The following MAP4K4 variants were observed in gnomAD, a reference collection of about 807,000 sequenced individuals.
The protein encoded by MAP4K4 is mitogen-activated protein kinase kinase kinase kinase 4.
MAP4K4 carries 38 observed loss-of-function variants against 189.6 expected under a neutral mutation model. The observed-to-expected ratio is 0.20, with a 90% CI of 0.15 to 0.26. The LOEUF (loss-of-function observed/expected upper bound fraction) is 0.26, where lower values mean the gene tolerates loss of function less well. Ranked by LOEUF, MAP4K4 falls within the 10% of genes least tolerant of loss-of-function variation. MAP4K4 has a pLI of 1.00. For synonymous variants in MAP4K4, 610 were observed against 624.3 expected (o/e 0.98, Z 0.34); for missense variants, 1,054 against 1,726.9 (o/e 0.61, Z 6.91).
intron 3 of MAP4K4, among the ~76,000 whole-genome samples, chr2:101,821,203 G>T (rs746072902): frequency 6.6e-6 from 1 of 152,114 alleles, no homozygotes; most frequent in Non-Finnish European, 1.5e-5. Context: ...GAGAATTATT[G>T]TATCAACTGT....
chr2:101,780,419 G>A (rs1164961859), intron 2 of MAP4K4, among the ~76,000 whole-genome samples: 2 of 152,236 alleles, frequency 1.3e-5, no homozygotes, highest in African/African-American at 2.4e-5. Flanking sequence ...CAAGTGTACT[G>A]TGAAGTCACA....
intron 2 of MAP4K4, among the ~76,000 whole-genome samples, chr2:101,705,017 G>A (rs2041527277): frequency 6.6e-6 from 1 of 152,138 alleles, no homozygotes; most frequent in Non-Finnish European, 1.5e-5. Flanking sequence ...CTTGGGTTGA[G>A]TAATTAATAA....
chr2:101,742,389 C>G (rs2063232855), intron 2 of MAP4K4, among the ~76,000 whole-genome samples: 1 of 152,060 alleles, frequency 6.6e-6, no homozygotes, highest in Non-Finnish European at 1.5e-5. Context: ...TTTCCTTAAG[C>G]CTTTAGAATA....
chr2:101,850,619 T>C (rs1346142425), intron 12 of MAP4K4, among the ~76,000 whole-genome samples: 1 of 152,218 alleles, frequency 6.6e-6, no homozygotes, highest in Admixed American at 6.5e-5. Context: ...CCAGCTTTAA[T>C]ACACACAGTA....
At position 101,862,493 on chromosome 2, in the gene MAP4K4, C is replaced by G. The variant is rs187133701; in HGVS notation, c.1867-1328C>G. ...GGACTCGTGTTCTTTAGCAACTTTGCACTGCTTGAAGATTAAAAGTTTTCA... is the reference window on the plus strand; with the variant it reads ...GGACTCGTGTTCTTTAGCAACTTTGGACTGCTTGAAGATTAAAAGTTTTCA... On this transcript the variant is annotated intron_variant, in intron 16 of 32. Coordinates refer to ENST00000324219, the Ensembl canonical transcript of MAP4K4. Among the ~76,000 whole-genome samples the G allele has an allele frequency of 2.6e-3, 396 of 152,252 alleles. 1 individual carries two copies. The highest frequency in any genetic ancestry group is 8.2e-3 in the African/African-American group (341 of 41,548).
chr2:101,699,197 C>T (rs1164389123), intron 2 of MAP4K4, among the ~76,000 whole-genome samples: 1 of 152,098 alleles, frequency 6.6e-6, no homozygotes, highest in East Asian at 1.9e-4. Flanking sequence ...TGACAGAGAG[C>T]GAAGAGAATA....
chr2:101,837,868 A>G (rs1474590397), intron 9 of MAP4K4, among the ~76,000 whole-genome samples: 2 of 152,196 alleles, frequency 1.3e-5, no homozygotes, highest in East Asian at 1.9e-4. Flanking sequence ...GTAGACAGCA[A>G]TGAATGCTTC....
intron 14 of MAP4K4, 101 bp downstream of exon 14, chr2:101,859,183 T>C: frequency 9.9e-7 from 1 of 1,006,200 alleles, no homozygotes. Context: ...TTGGTTTTGC[T>C]GTGGGCAGCC....
chr2:101,847,867 AC>A (rs1281502689), intron 12 of MAP4K4, among the ~76,000 whole-genome samples: 1 of 152,118 alleles, frequency 6.6e-6, no homozygotes, highest in Non-Finnish European at 1.5e-5. Flanking sequence ...ACCCAGAGCA[AC>A]CTCCAGCCCC....
At chr2:101,833,606 T>A (rs1459458433) in intron 7 of MAP4K4, among the ~76,000 whole-genome samples, 2 of 141,902 alleles carry the variant, frequency 1.4e-5, no homozygotes, top group Non-Finnish European at 3.0e-5. Flanking sequence ...GGTGACAGAA[T>A]GAGACTCCAT....
intron 2 of MAP4K4, among the ~76,000 whole-genome samples, chr2:101,766,278 G>C (rs2078589894): frequency 6.6e-6 from 1 of 152,216 alleles, no homozygotes; most frequent in Non-Finnish European, 1.5e-5. Flanking sequence ...AGTGCTGGGG[G>C]CTGGACAGGA....
At chr2:101,707,065 C>G (rs964378617) in intron 2 of MAP4K4, among the ~76,000 whole-genome samples, 2 of 152,162 alleles carry the variant, frequency 1.3e-5, no homozygotes, top group Non-Finnish European at 2.9e-5. Flanking sequence ...TGGCCTTGCA[C>G]CTCACTTGGT....
chr2:101,754,281 A>C (rs1243210856), intron 2 of MAP4K4, among the ~76,000 whole-genome samples: 1 of 149,658 alleles, frequency 6.7e-6, no homozygotes, highest in African/African-American at 2.5e-5. Context: ...CAAGGTATGG[A>C]TTATGACATC....
At chr2:101,834,828 T>C (rs2096700470) in intron 8 of MAP4K4, among the ~76,000 whole-genome samples, 1 of 152,248 alleles carries the variant, frequency 6.6e-6, no homozygotes, top group Non-Finnish European at 1.5e-5. Flanking sequence ...TATTAAGTTT[T>C]GACTTTACAA....
intron 6 of MAP4K4, 119 bp downstream of exon 6, chr2:101,829,713 C>T (rs2096532579): frequency 1.4e-6 from 1 of 697,890 alleles, no homozygotes; most frequent in Admixed American, 2.3e-5. Context: ...TATTTCTGTT[C>T]TTCTTAAGAA....
At chr2:101,774,840 T>C (rs1263215991) in intron 2 of MAP4K4, among the ~76,000 whole-genome samples, 1 of 152,106 alleles carries the variant, frequency 6.6e-6, no homozygotes, top group Non-Finnish European at 1.5e-5. Context: ...GTCTTAGTGC[T>C]GAAGAGACTT....
chr2:101,752,485 T>C (rs2069603418), intron 2 of MAP4K4, among the ~76,000 whole-genome samples: 1 of 152,176 alleles, frequency 6.6e-6, no homozygotes, highest in African/African-American at 2.4e-5. Flanking sequence ...CTCATATCCT[T>C]ATTCATATAG....
At chr2:101,707,952 C>T (rs973159870) in intron 2 of MAP4K4, among the ~76,000 whole-genome samples, 4 of 151,218 alleles carry the variant, frequency 2.6e-5, no homozygotes, top group Admixed American at 1.3e-4. Context: ...CCGCCCACCT[C>T]GGCCTCTCTA....
chr2:101,714,089 A>G (rs1441808438), intron 2 of MAP4K4, among the ~76,000 whole-genome samples: 1 of 152,218 alleles, frequency 6.6e-6, no homozygotes. Flanking sequence ...GCATTGCTTC[A>G]AGGAACAGTG....
Sources: allele counts gnomAD v4.1 joint callset (sites outside exome capture counted in the v4.1 genomes callset), GRCh38; gene constraint gnomAD v4.1.1; transcripts MANE v1.5; gene names NCBI Gene and HGNC (gene_info 2026-07-23, HGNC 2026-07-21).